Variants in TSGA10 observed in about 807,000 individuals in gnomAD.
TSGA10 encodes the protein testis-specific gene 10 protein.
A neutral mutation model predicts 96.6 loss-of-function variants in TSGA10; 43 were observed. That is an observed-to-expected ratio of 0.44 (90% CI 0.35 to 0.57). The LOEUF (loss-of-function observed/expected upper bound fraction) is 0.57. TSGA10 is among the 20% of genes least tolerant of loss of function. TSGA10 has a pLI of 0.01. For missense variants in TSGA10, 703 were observed against 834.4 expected, an observed-to-expected ratio of 0.84 and a Z score of 1.94; for synonymous variants, 229 against 269.9, an observed-to-expected ratio of 0.85 and a Z score of 1.48.
In TSGA10 at chr2:99,014,046, T is replaced by C. The variant is rs2104899684; in HGVS notation, c.2072+4154A>G. Among the ~76,000 whole-genome samples, 3 of 152,216 alleles carry C rather than the reference T, an allele frequency of 2.0e-5. No homozygotes were observed. The East Asian group carries it at 5.8e-4, about 29-fold the overall frequency. On this transcript the variant is annotated intron_variant, in intron 20 of 20. Transcript: ENST00000393483. ...AGCAGACGTCTGTAATCTCAGCTACTTGGGAGTCTGAGGCACAAGAATCGC... is the reference window on the plus strand; with the variant it reads ...AGCAGACGTCTGTAATCTCAGCTACCTGGGAGTCTGAGGCACAAGAATCGC...
intron 4 of TSGA10, among the ~76,000 whole-genome samples, chr2:99,114,858 A>G (rs2092117977): frequency 6.6e-6 from 1 of 152,194 alleles, no homozygotes; most frequent in Non-Finnish European, 1.5e-5. Flanking sequence ...GGTTTCCCGC[A>G]GTCTGGGAAG....
At chr2:99,023,481 G>T (rs1337277059) in intron 17 of TSGA10, among the ~76,000 whole-genome samples, 1 of 151,784 alleles carries the variant, frequency 6.6e-6, no homozygotes, top group Non-Finnish European at 1.5e-5. Flanking sequence ...AGAAAGTGCT[G>T]CCTAACCCAA....
chr2:99,016,871 T>A (rs1053263394), intron 20 of TSGA10, among the ~76,000 whole-genome samples: 4 of 152,180 alleles, frequency 2.6e-5, no homozygotes, highest in African/African-American at 9.7e-5. Context: ...AAAGAATATA[T>A]ACAAATGCCC....
chr2:99,119,190 C>T (rs559986911), intron 2 of TSGA10, among the ~76,000 whole-genome samples: 1 of 151,904 alleles, frequency 6.6e-6, no homozygotes, highest in Non-Finnish European at 1.5e-5. Context: ...TAAAAATATC[C>T]TAAGTCATGA....
chr2:99,124,366 T>C (rs944836096), intron 2 of TSGA10, among the ~76,000 whole-genome samples: 1 of 152,174 alleles, frequency 6.6e-6, no homozygotes, highest in Non-Finnish European at 1.5e-5. Flanking sequence ...ATTCTAGATA[T>C]TAAGCCCTTT....
chr2:99,116,014 T>G (rs1360231023), intron 4 of TSGA10, among the ~76,000 whole-genome samples: 6 of 152,216 alleles, frequency 3.9e-5, no homozygotes, highest in Non-Finnish European at 7.3e-5. Context: ...TCAAATTACT[T>G]TAACAGTGAC....
At chr2:99,047,125 G>A (rs1271398455) in intron 16 of TSGA10, among the ~76,000 whole-genome samples, 3 of 152,138 alleles carry the variant, frequency 2.0e-5, no homozygotes, top group African/African-American at 4.8e-5. Context: ...CGGATTCATA[G>A]CTGAATTCTA....
chr2:99,120,455 A>C (rs1214169191), intron 2 of TSGA10, among the ~76,000 whole-genome samples: 1 of 152,134 alleles, frequency 6.6e-6, no homozygotes, highest in Non-Finnish European at 1.5e-5. Flanking sequence ...CACCTGACTT[A>C]AGAAAAAAAA....
At chr2:99,008,174 T>A (rs1023946601) in intron 20 of TSGA10, among the ~76,000 whole-genome samples, 1 of 152,054 alleles carries the variant, frequency 6.6e-6, no homozygotes, top group Non-Finnish European at 1.5e-5. Flanking sequence ...GAAATCCAGA[T>A]GCATTAAAGG....
chr2:99,040,989 G>A (rs2082132410), intron 16 of TSGA10, among the ~76,000 whole-genome samples: 1 of 152,246 alleles, frequency 6.6e-6, no homozygotes, highest in Admixed American at 6.5e-5. Context: ...GCCCAGGCAA[G>A]TCTTAGCTCA....
chr2:99,043,482 A>G (rs1013093855), intron 16 of TSGA10, among the ~76,000 whole-genome samples: 1 of 152,196 alleles, frequency 6.6e-6, no homozygotes, highest in Admixed American at 6.5e-5. Context: ...TGAAAAAATA[A>G]TGGCTGGAAA....
At chr2:99,073,502 T>C (rs553600269) in intron 12 of TSGA10, among the ~76,000 whole-genome samples, 1 of 152,174 alleles carries the variant, frequency 6.6e-6, no homozygotes, top group Non-Finnish European at 1.5e-5. Context: ...CAATCATGTA[T>C]ACCTAAATTT....
Position 99,119,624 on chromosome 2 carries a change from C to T in TSGA10, c.-491-938G>A, listed in dbSNP as rs944434738. Reference sequence around the variant, plus strand: ...CTTAGGCTTCAATTTCAGGAAAATACGTGCCTTTTTTGGAAACCTGGTTTG... The same window carrying T: ...CTTAGGCTTCAATTTCAGGAAAATATGTGCCTTTTTTGGAAACCTGGTTTG... On this transcript the variant is annotated intron_variant, in intron 2 of 20. Coordinates refer to ENST00000393483, the MANE Select transcript of TSGA10 (RefSeq NM_025244.4). Among the ~76,000 whole-genome samples, 7 of 152,116 alleles carry T rather than the reference C, an allele frequency of 4.6e-5. No homozygotes were observed. The South Asian group carries it at 1.0e-3, about 22-fold the overall frequency.
In TSGA10 at chr2:99,066,329, T is replaced by C. The variant is rs192581018; in HGVS notation, c.1219-1205A>G. ...GGAACCTGATATGTGTTTTCCATGA[T>C]TGTACTAACAATCATAGTTGTGTAC... On this transcript the variant is annotated intron_variant, in intron 15 of 20. Transcript: ENST00000393483. Among the ~76,000 whole-genome samples the C allele has an allele frequency of 3.6e-3, 541 of 152,336 alleles. 5 individuals are homozygous for C. Among genetic ancestry groups the C allele is most frequent in the Admixed American group, 8.3e-3 (127 of 15,298 alleles).
Position 99,106,610 on chromosome 2 carries a change from C to A in TSGA10, c.211-913G>T, listed in dbSNP as rs542442690. Among the ~76,000 whole-genome samples, 3 of 152,118 alleles carry A rather than the reference C, an allele frequency of 2.0e-5. No homozygotes were observed. The East Asian group carries it at 5.8e-4, about 29-fold the overall frequency. ...TGCCAATGGTTCCTTACCATCCATTCTATCACCCCAGAACAACCTGGCTCC... is the reference window on the plus strand; with the variant it reads ...TGCCAATGGTTCCTTACCATCCATTATATCACCCCAGAACAACCTGGCTCC... On this transcript the variant is annotated intron_variant, in intron 7 of 20. Transcript: ENST00000393483.
At chr2:99,052,708 A>G (rs1484824959) in intron 16 of TSGA10, among the ~76,000 whole-genome samples, 1 of 151,934 alleles carries the variant, frequency 6.6e-6, no homozygotes, top group Non-Finnish European at 1.5e-5. Flanking sequence ...ACTGCACTCC[A>G]GCCTGGGTGA....
intron 20 of TSGA10, 123 bp downstream of exon 20, chr2:99,018,077 T>G (rs1174945611): frequency 2.4e-6 from 2 of 841,774 alleles, no homozygotes; most frequent in Non-Finnish European, 3.4e-6. Context: ...CAATATATCT[T>G]GGTAATCATG....
chr2:99,101,873 C>T (rs1445505297), intron 10 of TSGA10: 2 of 558,118 alleles, frequency 3.6e-6, no homozygotes, highest in Admixed American at 6.3e-5. Context: ...TGGTAGTTGC[C>T]AAGGATTGAC....
chr2:99,086,271 C>T (rs775344980), intron 10 of TSGA10, among the ~76,000 whole-genome samples: 5 of 152,112 alleles, frequency 3.3e-5, no homozygotes, highest in Non-Finnish European at 5.9e-5. Context: ...ACACCATACA[C>T]GAAAAACCTA....
Sources: allele counts gnomAD v4.1 joint callset (sites outside exome capture counted in the v4.1 genomes callset), GRCh38; gene constraint gnomAD v4.1.1; transcripts MANE v1.5; gene names NCBI Gene and HGNC (gene_info 2026-07-23, HGNC 2026-07-21).